SATB1: variants seen among roughly 807,000 people sequenced by gnomAD.
The protein encoded by SATB1 is SATB homeobox 1, also known as DNA-binding protein SATB1.
A neutral mutation model predicts 86.9 loss-of-function variants in SATB1; 11 were observed. The ratio of observed to expected loss-of-function variants is 0.13; its 90% confidence interval spans 0.08 to 0.21. The LOEUF (loss-of-function observed/expected upper bound fraction) is 0.21. Among genes scored for constraint, SATB1 ranks in the 10% least tolerant of loss-of-function variants. The pLI, the probability that SATB1 is intolerant of heterozygous loss-of-function variation, is 1.00. For missense variants in SATB1, 551 were observed against 937.6 expected (o/e 0.59, Z 5.39); for synonymous variants, 357 against 357.2 (o/e 1.00, Z 0.01).
rs548144631 is a variant in SATB1 at position 18,393,885 on chromosome 3, G to A, written c.1206+577C>T. 6.6e-5 allele frequency among the ~76,000 whole-genome samples: 10 copies of A among 152,252 alleles called. No homozygotes were observed. The South Asian group carries it at 1.2e-3, about 19-fold the overall frequency. On this transcript the variant is annotated intron_variant, in intron 7 of 10. Transcript: ENST00000338745. ...TTGGAAGACAATAGCATGAGGGAGC[G>A]CACACAGCTTACAAATATTTTATGT...
chr3:18,426,498 T>A (rs1698707797), upstream of SATB1, among the ~76,000 whole-genome samples: 1 of 152,252 alleles, frequency 6.6e-6, no homozygotes, highest in Non-Finnish European at 1.5e-5. The surrounding 1 kb of genome is among the most constrained non-coding windows in gnomAD (Gnocchi z 4.2). Flanking sequence ...GTTACCCAGT[T>A]AGATAAATGG....
chr3:18,356,418 T>TG (rs1200469692), intron 9 of SATB1, among the ~76,000 whole-genome samples: 3 of 60,822 alleles, frequency 4.9e-5, no homozygotes, highest in African/African-American at 7.6e-5. Context: ...AATGTAAGAT[T>TG]GAAAAAAAAA....
intron 8 of SATB1, among the ~76,000 whole-genome samples, chr3:18,385,318 A>C (rs890790378): frequency 1.3e-5 from 2 of 152,144 alleles, no homozygotes; most frequent in African/African-American, 4.8e-5. Context: ...TCACAAGTTA[A>C]ACATGTAAGA....
intron 2 of SATB1, among the ~76,000 whole-genome samples, chr3:18,418,587 TGGG>T (rs1241647874): frequency 2.6e-5 from 4 of 152,160 alleles, no homozygotes; most frequent in African/African-American, 9.7e-5. Flanking sequence ...GAAGACAACT[TGGG>T]GAGACCACAG....
rs2125120702 is a variant in SATB1 at position 18,397,047 on chromosome 3, AC to A, written c.751+131del. 8 of 629,004 alleles carry A rather than the reference AC, an allele frequency of 1.3e-5. No homozygotes were observed. In the South Asian group the frequency reaches 1.5e-4, roughly 12 times the overall value. 39.0% of individuals were successfully genotyped at this position (629,004 alleles called of 1,614,324 possible). A position where few individuals can be genotyped will look rare whatever the true frequency, so the allele number is the denominator to read the frequency against. ...CTCATTATACTCATACCCACTTCCC[AC>A]CCCCAAAGAAACATTCTAAATTGAT... On this transcript the variant is annotated intron_variant, in intron 6 of 10. Transcript: ENST00000338745.
At chr3:18,410,515 G>A (rs1697777764) in intron 5 of SATB1, among the ~76,000 whole-genome samples, 1 of 151,786 alleles carries the variant, frequency 6.6e-6, no homozygotes, top group African/African-American at 2.4e-5. Context: ...CTACTTAGGG[G>A]GACCAAAGGC....
At chr3:18,427,595 T>G (rs752931045), upstream of SATB1, among the ~76,000 whole-genome samples, 2 of 152,154 alleles carry the variant, frequency 1.3e-5, no homozygotes, top group African/African-American at 4.8e-5. Flanking sequence ...CAGAAATAAA[T>G]AAGACAAAAT....
intron 2 of SATB1, chr3:18,417,450 T>C: frequency 6.8e-6 from 4 of 587,086 alleles, no homozygotes; most frequent in South Asian, 2.1e-5. Flanking sequence ...TATGCAAACA[T>C]AACTCACCAT....
At chr3:18,418,009 A>T (rs971385755) in intron 2 of SATB1, among the ~76,000 whole-genome samples, 1 of 152,186 alleles carries the variant, frequency 6.6e-6, no homozygotes, top group Admixed American at 6.5e-5. Flanking sequence ...ATGCTGTGGT[A>T]CTCAAGGTGT....
In SATB1 at chr3:18,349,267, A is replaced by G. The variant is rs1325473322; in HGVS notation, c.2195T>C (p.Val732Ala). The G allele has an allele frequency of 1.9e-6, 3 of 1,613,990 alleles. No individual in the cohort carries two copies. The highest frequency in any genetic ancestry group is 2.5e-6 in the Non-Finnish European group (3 of 1,180,024). The change falls in exon 11 of 11, where the codon GTC becomes GCC. Residue 732 changes from valine (V) to alanine (A), a missense_variant. By Grantham distance (64) the Val-to-Ala change is moderately conservative. This residue lies in a region of SATB1 where 41 missense variants were observed against 38.9 expected (regional missense o/e 1.06). Coordinates refer to ENST00000338745, the MANE Select transcript of SATB1 (RefSeq NM_002971.6). The surrounding 1 kb of genome is among the most constrained non-coding windows in gnomAD (Gnocchi z 5.5). ...AAGGGTGTTAGTATTTTTATCTTGG[A>G]CACTCTCTTCCAAATCCTTCAGCAG... ...EELLKDLEES[V>A]QDKNTNTLFS...
Position 18,433,497 on chromosome 3 carries a change from GT to G in SATB1, c.-25+3291del, listed in dbSNP as rs1361537575. ...ATAATTTGAAATATCATCTTTTCCT[GT>G]ACTGTTCCACATTCAGTTTTCATAT... On this transcript the variant is annotated intron_variant, in intron 2 of 3. Transcript: ENST00000414509. Among the ~76,000 whole-genome samples, 3 of 152,016 alleles carry G rather than the reference GT, an allele frequency of 2.0e-5. No individual in the cohort carries two copies. The East Asian group carries it at 5.8e-4, about 29-fold the overall frequency.
At chr3:18,384,574 C>T (rs1338951630) in intron 8 of SATB1, among the ~76,000 whole-genome samples, 1 of 151,736 alleles carries the variant, frequency 6.6e-6, no homozygotes, top group Non-Finnish European at 1.5e-5. Context: ...TGCTCAGAGC[C>T]CTGTCAGTGG....
At chr3:18,378,994 A>G (rs1695907848) in intron 8 of SATB1, among the ~76,000 whole-genome samples, 1 of 152,198 alleles carries the variant, frequency 6.6e-6, no homozygotes, top group South Asian at 2.1e-4. Context: ...CCTGTATATA[A>G]CTATTTCCTT....
chr3:18,373,514 C>G (rs1214349641), intron 9 of SATB1, among the ~76,000 whole-genome samples: 2 of 152,168 alleles, frequency 1.3e-5, no homozygotes, highest in Non-Finnish European at 2.9e-5. Context: ...CTATTTTCAG[C>G]AATGAAAATT....
intron 8 of SATB1, among the ~76,000 whole-genome samples, chr3:18,380,437 A>ATT (rs533979818): frequency 6.7e-5 from 10 of 148,868 alleles, no homozygotes; most frequent in African/African-American, 2.0e-4. Context: ...TCTTTGGTTA[A>ATT]TTTTTTTTTT....
intron 9 of SATB1, among the ~76,000 whole-genome samples, chr3:18,365,938 G>A (rs1311075621): frequency 6.6e-6 from 1 of 152,164 alleles, no homozygotes; most frequent in Non-Finnish European, 1.5e-5. Context: ...GACAGTAACA[G>A]CTTGGCATGG....
Position 18,348,263 on chromosome 3 carries a change from A to C in SATB1, c.*907T>G, listed in dbSNP as rs1694160937. 1 of 152,652 alleles carries C rather than the reference A, an allele frequency of 6.6e-6. No homozygotes were observed. Among genetic ancestry groups the C allele is most frequent in the Admixed American group, 6.5e-5 (1 of 15,290 alleles). 9.5% of individuals were successfully genotyped at this position (152,652 alleles called of 1,614,324 possible). The stretch of plus-strand genomic sequence containing the variant: ...TTGCATGATAGTAAAAATTGCATAC[A>C]ACAATAAGAGTGAAGCTTATAGTAT... On this transcript the variant is annotated 3_prime_UTR_variant, in exon 11 of 11. Coordinates refer to ENST00000338745, the MANE Select transcript of SATB1 (RefSeq NM_002971.6).
intron 1 of SATB1, among the ~76,000 whole-genome samples, chr3:18,422,344 A>C (rs747918179): frequency 8.5e-5 from 13 of 152,326 alleles, no homozygotes; most frequent in Non-Finnish European, 1.9e-4. Context: ...CTTACCATAT[A>C]ATCAAGAAAA....
At chr3:18,441,353 T>A (rs1699240070), upstream of SATB1, among the ~76,000 whole-genome samples, 1 of 152,136 alleles carries the variant, frequency 6.6e-6, no homozygotes, top group Admixed American at 6.5e-5. Flanking sequence ...TAAAAGGCAA[T>A]CTGGGGAGGT....
Sources: gnomAD v4.1 joint callset for allele counts (sites outside exome capture counted in the v4.1 genomes callset) on GRCh38, gnomAD v4.1.1 for gene constraint, gnomAD v4.1.1 regional missense constraint, Gnocchi (gnomAD v3.1) non-coding constraint, MANE v1.5 for transcripts, NCBI Gene and HGNC (gene_info 2026-07-23, HGNC 2026-07-21) for gene names.